The following NEMF variants were observed in gnomAD, a reference collection of about 807,000 sequenced individuals.
NEMF encodes ribosome quality control complex subunit NEMF.
In NEMF, 89 loss-of-function variants were observed where a neutral mutation model predicts 162.2. The observed-to-expected ratio is 0.55, with a 90% CI of 0.46 to 0.65. The LOEUF (loss-of-function observed/expected upper bound fraction) is 0.65, where lower values mean the gene tolerates loss of function less well. Ranked by LOEUF, NEMF falls within the 30% of genes least tolerant of loss-of-function variation. The pLI is 0.00. For missense variants in NEMF, 1,133 were observed against 1,261.9 expected (o/e 0.90, Z 1.55); for synonymous variants, 421 against 404.5 (o/e 1.04, Z -0.49).
Position 49,814,873 on chromosome 14 carries a change from A to G in NEMF, c.1578-16T>C, listed in dbSNP as rs770081229. ...TTTCTCAAACCTATCAAAATGAAAG[A>G]AAAAAAGTTAACTTTTCTTTATAGC... On this transcript the variant is annotated splice_polypyrimidine_tract_variant and intron_variant, in intron 16 of 32. Coordinates refer to ENST00000298310, the MANE Select transcript of NEMF (RefSeq NM_004713.6). 10 of 1,430,212 alleles carry G rather than the reference A, an allele frequency of 7.0e-6. No homozygotes were observed. In the Admixed American group the frequency reaches 1.5e-4, roughly 21 times the overall value. The allele number at this position is 1,430,212 out of a possible 1,614,324, so 88.6% of individuals were successfully genotyped here. A position where few individuals can be genotyped will look rare whatever the true frequency, so the allele number is the denominator to read the frequency against.
chr14:49,785,019 A>G lies in NEMF; in HGVS notation c.3074-15T>C, dbSNP rs1480254571. Reference sequence around the variant, plus strand: ...TGTTTTTGCAGCTGTAAATACAAAAAAGAGTAAGAATAATCTACTGTTAAG... The same window carrying G: ...TGTTTTTGCAGCTGTAAATACAAAAGAGAGTAAGAATAATCTACTGTTAAG... On this transcript the variant is annotated splice_polypyrimidine_tract_variant and intron_variant, in intron 31 of 32. Coordinates refer to ENST00000298310, the MANE Select transcript of NEMF (RefSeq NM_004713.6). The G allele has an allele frequency of 6.2e-7, 1 of 1,611,728 alleles. No individual in the cohort carries two copies. Among genetic ancestry groups the G allele is most frequent in the South Asian group, 1.1e-5 (1 of 91,014 alleles).
intron 4 of NEMF, chr14:49,844,725 GCGCA>G (rs757485059): frequency 0.081 from 7,615 of 93,876 alleles, 133 homozygotes; most frequent in South Asian, 0.12. Flanking sequence ...ACACACGCAC[GCGCA>G]CGCGCGCGCA....
intron 1 of NEMF, among the ~76,000 whole-genome samples, chr14:49,852,173 GA>G (rs61482799): frequency 0.97 from 146,701 of 151,620 alleles, 71,158 homozygotes; most frequent in South Asian, 1. Context: ...TTACAAGGGA[GA>G]AAAAAAAAAG....
At chr14:49,796,074 C>T in intron 25 of NEMF, 130 bp from the exon 26 acceptor site, 1 of 661,676 alleles carries the variant, frequency 1.5e-6, no homozygotes, top group Non-Finnish European at 2.6e-6. Flanking sequence ...TTGATAATCA[C>T]CAAGTTAGAA....
At chr14:49,814,138 C>T (rs1050409628) in intron 17 of NEMF, 88 bp from the exon 18 acceptor site, 12 of 799,500 alleles carry the variant, frequency 1.5e-5, no homozygotes, top group Middle Eastern at 3.8e-4. Flanking sequence ...CTCGCTCTGT[C>T]GCCCAGGCTG....
At position 49,782,678 on chromosome 14, in the gene NEMF, ATTAT is replaced by A; in HGVS notation, c.*1954_*1957del. On this transcript the variant is annotated 3_prime_UTR_variant, in exon 33 of 33. Transcript: ENST00000298310. ...CACTCTCGAAAAACTAGGTTTATGGATTATTTAAGGGCAATAAAACTTCATTGCT... is the reference window on the plus strand; with the variant it reads ...CACTCTCGAAAAACTAGGTTTATGGATTAAGGGCAATAAAACTTCATTGCT... 3 of 1,368,308 alleles carry A rather than the reference ATTAT, an allele frequency of 2.2e-6. No individual in the cohort carries two copies. Among genetic ancestry groups the A allele is most frequent in the Middle Eastern group, 2.5e-4 (1 of 3,984 alleles). The allele number at this position is 1,368,308 out of a possible 1,614,324, so 84.8% of individuals were successfully genotyped here.
chr14:49,829,324 G>C, intron 12 of NEMF, 25 bp downstream of exon 12: 1 of 1,613,528 alleles, frequency 6.2e-7, no homozygotes, highest in East Asian at 2.2e-5. Flanking sequence ...TTTTGAAAAA[G>C]CACTGAGAAA....
chr14:49,789,049 C>T (rs1890319269), intron 28 of NEMF, 97 bp downstream of exon 28: 1 of 897,394 alleles, frequency 1.1e-6, no homozygotes, highest in Middle Eastern at 2.6e-4. Context: ...GGGTTACTCA[C>T]TTGTCTTGGT....
intron 11 of NEMF, among the ~76,000 whole-genome samples, chr14:49,829,986 G>A (rs977689384): frequency 6.6e-6 from 1 of 152,102 alleles, no homozygotes; most frequent in African/African-American, 2.4e-5. Context: ...ACTATTTCCA[G>A]TATTTTACAG....
At chr14:49,851,962 C>T in intron 1 of NEMF, 87 bp from the exon 2 acceptor site, 2 of 805,836 alleles carry the variant, frequency 2.5e-6, no homozygotes, top group Non-Finnish European at 2.0e-6. Flanking sequence ...TTCGAAAGAG[C>T]GGATCTCAGT....
chr14:49,790,849 C>A (rs933151812), intron 26 of NEMF, among the ~76,000 whole-genome samples: 1 of 152,050 alleles, frequency 6.6e-6, no homozygotes, highest in East Asian at 1.9e-4. Context: ...CAAAATTAGC[C>A]AGGCGTGGTG....
At chr14:49,822,648 T>C (rs1228648926) in intron 16 of NEMF, among the ~76,000 whole-genome samples, 10 of 109,988 alleles carry the variant, frequency 9.1e-5, no homozygotes. Context: ...TGGCCAACAC[T>C]GAAAGATCCA....
At chr14:49,785,603 C>T (rs2139815368) in intron 29 of NEMF, 1 of 346,486 alleles carries the variant, frequency 2.9e-6, no homozygotes, top group South Asian at 2.7e-5. Flanking sequence ...AAAGAAGGCC[C>T]AGGAGCAGTG....
At chr14:49,794,674 C>G (rs1174015290) in intron 26 of NEMF, among the ~76,000 whole-genome samples, 2 of 147,240 alleles carry the variant, frequency 1.4e-5, no homozygotes, top group African/African-American at 5.0e-5. Flanking sequence ...AAGGGGTACA[C>G]TGATAAATTA....
At chr14:49,805,500 A>G (rs1469218859) in intron 19 of NEMF, among the ~76,000 whole-genome samples, 3 of 2,070 alleles carry the variant, frequency 1.4e-3, no homozygotes, top group Non-Finnish European at 2.3e-3. Context: ...TCATCTCTAT[A>G]AAGAAAAAAA....
chr14:49,828,780 T>A lies in NEMF; in HGVS notation c.1260A>T (p.Glu420Asp). 1 of 1,551,650 alleles carries A rather than the reference T, an allele frequency of 6.4e-7. No individual in the cohort carries two copies. Among genetic ancestry groups the A allele is most frequent in the Non-Finnish European group, 8.8e-7 (1 of 1,141,982 alleles). Residue 420 changes from glutamate (E) to aspartate (D), a missense_variant, in exon 14 of 33, where the codon GAA becomes GAT. Physicochemically the swap from Glu to Asp is conservative, Grantham distance 45. Coordinates refer to ENST00000298310, the MANE Select transcript of NEMF (RefSeq NM_004713.6). ...TGACGTCACCATCAACATCATCATC[T>A]TCCTCCTCTGATAACAAGTATGGAT... ...LRNPYLLSEE[E>D]DDDVDGDVNV...
chr14:49,821,097 A>G (rs1891995857), intron 16 of NEMF, among the ~76,000 whole-genome samples: 1 of 12,938 alleles, frequency 7.7e-5, no homozygotes, highest in African/African-American at 8.3e-5. Context: ...GGAGGTGAGG[A>G]GCGTCTCTGC....
At position 49,833,479 on chromosome 14, in the gene NEMF, C is replaced by G. The variant is rs1242605193; in HGVS notation, c.679G>C (p.Val227Leu). The G allele has an allele frequency of 6.3e-7, 1 of 1,579,416 alleles. No individual in the cohort carries two copies. Among genetic ancestry groups the G allele is most frequent in the South Asian group, 1.2e-5 (1 of 86,406 alleles). Residue 227 changes from valine (V) to leucine (L), a missense_variant, in exon 8 of 33, where the codon GTT becomes CTT. Val to Leu is a conservative substitution (Grantham distance 32). Coordinates refer to ENST00000298310, the MANE Select transcript of NEMF (RefSeq NM_004713.6). ...TAGTCTTCTGCTTTCTGCAGAGAAACAAGTACTTTTTCAATATCTAATGGT... is the reference window on the plus strand; with the variant it reads ...TAGTCTTCTGCTTTCTGCAGAGAAAGAAGTACTTTTTCAATATCTAATGGT... ...LETKDIEKVL[V>L]SLQKAEDYMK... is the part of the protein sequence containing the mutation.
intron 26 of NEMF, among the ~76,000 whole-genome samples, chr14:49,792,207 C>G: frequency 6.6e-6 from 1 of 151,994 alleles, no homozygotes; most frequent in East Asian, 1.9e-4. Flanking sequence ...CAAATGCTAT[C>G]CAATTTCAAG....
Sources: gnomAD v4.1 joint callset for allele counts (sites outside exome capture counted in the v4.1 genomes callset) on GRCh38, gnomAD v4.1.1 for gene constraint, MANE v1.5 for transcripts, NCBI Gene and HGNC (gene_info 2026-07-23, HGNC 2026-07-21) for gene names.